CIAO2A: variants seen among roughly 807,000 people sequenced by gnomAD.
CIAO2A encodes cytosolic iron-sulfur assembly component 2A, also known as MIP18 family protein FAM96A.
In CIAO2A, 17 loss-of-function variants were observed where a neutral mutation model predicts 22.4. The observed-to-expected ratio is 0.76, with a 90% CI of 0.52 to 1.14. The LOEUF (loss-of-function observed/expected upper bound fraction) is 1.14, where lower values mean the gene tolerates loss of function less well. Among genes scored for constraint, CIAO2A ranks in the 50% most tolerant of loss-of-function variants. The pLI, the probability that CIAO2A is intolerant of heterozygous loss-of-function variation, is 0.00. For synonymous variants in CIAO2A, 74 were observed against 72.3 expected (o/e 1.02, Z -0.12); for missense variants, 192 against 191.4 (o/e 1.00, Z -0.02).
intron 3 of CIAO2A, among the ~76,000 whole-genome samples, chr15:64,079,047 A>C (rs80222784): frequency 0.011 from 1,734 of 152,080 alleles, 30 homozygotes; most frequent in African/African-American, 0.04. Flanking sequence ...TCTTTAAAAA[A>C]AACAAAAAGA....
chr15:64,080,990 CA>C, intron 3 of CIAO2A, 111 bp downstream of exon 3: 1 of 1,046,800 alleles, frequency 9.6e-7, no homozygotes, highest in Non-Finnish European at 1.4e-6. Flanking sequence ...AACAGACAAG[CA>C]AAAACCACTG....
intron 2 of CIAO2A, among the ~76,000 whole-genome samples, chr15:64,083,074 AAT>A (rs1361212199): frequency 6.7e-6 from 1 of 149,940 alleles, no homozygotes; most frequent in African/African-American, 2.4e-5. Flanking sequence ...AAAACTTAAA[AAT>A]ATATATAATA....
At chr15:64,075,652 TC>T in intron 3 of CIAO2A, 115 bp from the exon 4 acceptor site, 3 of 544,702 alleles carry the variant, frequency 5.5e-6, no homozygotes, top group Non-Finnish European at 9.2e-6. Flanking sequence ...AAATCCTGTT[TC>T]TTTTTTTTTT....
At chr15:64,081,926 T>C (rs2080761879) in intron 2 of CIAO2A, among the ~76,000 whole-genome samples, 1 of 152,140 alleles carries the variant, frequency 6.6e-6, no homozygotes, top group Non-Finnish European at 1.5e-5. Flanking sequence ...AAGGGCCACA[T>C]AAAATCTCTC....
At chr15:64,080,657 G>A (rs181451780) in intron 3 of CIAO2A, among the ~76,000 whole-genome samples, 4 of 152,296 alleles carry the variant, frequency 2.6e-5, no homozygotes, top group East Asian at 1.9e-4. Flanking sequence ...ACTCCAGCCT[G>A]GGTGACAGTG....
intron 2 of CIAO2A, among the ~76,000 whole-genome samples, chr15:64,084,255 G>A (rs113703240): frequency 0.014 from 2,120 of 151,858 alleles, 13 homozygotes; most frequent in Non-Finnish European, 0.02. Context: ...TGATCCTCTC[G>A]CCTCGGCCTC....
chr15:64,088,412 C>T (rs1389094391), intron 2 of CIAO2A, among the ~76,000 whole-genome samples: 1 of 152,182 alleles, frequency 6.6e-6, no homozygotes, highest in East Asian at 1.9e-4. Flanking sequence ...GCCTTAGTTT[C>T]ACCATTTCCT....
At chr15:64,074,048 C>T (rs374216782) in intron 4 of CIAO2A, among the ~76,000 whole-genome samples, 1 of 152,112 alleles carries the variant, frequency 6.6e-6, no homozygotes, top group African/African-American at 2.4e-5. Context: ...TATATTAGTT[C>T]TTCTTGCATG....
In CIAO2A at chr15:64,083,730, G is replaced by A. The variant is rs2080773161; in HGVS notation, c.290-2579C>T. On this transcript the variant is annotated intron_variant, in intron 2 of 4. Transcript: ENST00000300030. ...GGCCGAGGTGGGCGGATCACTTGAG[G>A]CTAGGAGTTTGAGACTAGCCTGGGT... 2.6e-5 allele frequency among the ~76,000 whole-genome samples: 4 copies of A among 152,216 alleles called. No homozygotes were observed. The South Asian group carries it at 8.3e-4, about 32-fold the overall frequency.
chr15:64,076,327 C>A (rs574078294), intron 3 of CIAO2A, among the ~76,000 whole-genome samples: 4 of 151,976 alleles, frequency 2.6e-5, no homozygotes, highest in Non-Finnish European at 4.4e-5. Flanking sequence ...ACACACACAC[C>A]CACATATCAG....
intron 1 of CIAO2A, among the ~76,000 whole-genome samples, chr15:64,093,374 G>A (rs969531377): frequency 1.3e-5 from 2 of 152,108 alleles, no homozygotes; most frequent in Non-Finnish European, 2.9e-5. Flanking sequence ...GGCCACACGT[G>A]GAGAATGAAG....
At chr15:64,089,321 G>C (rs561676448) in intron 1 of CIAO2A, among the ~76,000 whole-genome samples, 1 of 152,156 alleles carries the variant, frequency 6.6e-6, no homozygotes, top group South Asian at 2.1e-4. Flanking sequence ...TCAGAAGTTC[G>C]AGACCAGCCT....
intron 1 of CIAO2A, 90 bp downstream of exon 1, chr15:64,093,555 C>T (rs2080861967): frequency 7.1e-7 from 1 of 1,402,882 alleles, no homozygotes; most frequent in Middle Eastern, 2.7e-4. Flanking sequence ...GTCTCCCCTC[C>T]CAGCCCTCAG....
At chr15:64,084,910 T>C (rs1376678722) in intron 2 of CIAO2A, among the ~76,000 whole-genome samples, 1 of 151,856 alleles carries the variant, frequency 6.6e-6, no homozygotes, top group Non-Finnish European at 1.5e-5. Flanking sequence ...CTGGCCAACA[T>C]GGTGAAACCC....
intron 3 of CIAO2A, 93 bp downstream of exon 3, chr15:64,081,009 A>G: frequency 4.8e-6 from 6 of 1,237,622 alleles, no homozygotes; most frequent in Non-Finnish European, 6.9e-6. Flanking sequence ...CTGAATTGGT[A>G]CACTTTAAAT....
chr15:64,091,932 T>C (rs1031960282), intron 1 of CIAO2A, among the ~76,000 whole-genome samples: 11 of 151,810 alleles, frequency 7.2e-5, no homozygotes, highest in African/African-American at 2.4e-4. Context: ...TGGTGGTGCA[T>C]GCCTATGGTC....
At chr15:64,082,379 C>T (rs761121247) in intron 2 of CIAO2A, among the ~76,000 whole-genome samples, 1 of 152,132 alleles carries the variant, frequency 6.6e-6, no homozygotes, top group African/African-American at 2.4e-5. Context: ...CAGAAGCACG[C>T]TACCACACCC....
intron 3 of CIAO2A, among the ~76,000 whole-genome samples, chr15:64,078,984 T>A (rs2080740904): frequency 6.6e-6 from 1 of 151,282 alleles, no homozygotes; most frequent in Non-Finnish European, 1.5e-5. Flanking sequence ...AAAGGTTCAG[T>A]GAGCTGTAAT....
intron 2 of CIAO2A, among the ~76,000 whole-genome samples, chr15:64,081,780 C>G (rs1567306191): frequency 6.6e-6 from 1 of 151,998 alleles, no homozygotes; most frequent in South Asian, 2.1e-4. Context: ...CTCAAGTGAT[C>G]CGCCTGCCTT....
Sources: allele counts gnomAD v4.1 joint callset (sites outside exome capture counted in the v4.1 genomes callset), GRCh38; gene constraint gnomAD v4.1.1; transcripts MANE v1.5; gene names NCBI Gene and HGNC (gene_info 2026-07-23, HGNC 2026-07-21).